ACER2: variants seen among roughly 807,000 people sequenced by gnomAD.
The protein encoded by ACER2 is alkCDase 2.
A neutral mutation model predicts 34.7 loss-of-function variants in ACER2; 26 were observed. That is an observed-to-expected ratio of 0.75 (90% CI 0.55 to 1.04). The LOEUF is 1.04. ACER2 is among the 50% of genes least tolerant of loss of function. ACER2 has a pLI of 0.00. For missense variants in ACER2, 352 were observed against 340.8 expected (o/e 1.03, Z -0.26); for synonymous variants, 138 against 132.1 (o/e 1.04, Z -0.31).
chr9:19,450,198 C>T (rs1831515952), intron 5 of ACER2: 1 of 985,232 alleles, frequency 1.0e-6, no homozygotes, highest in African/African-American at 1.7e-5. Flanking sequence ...CATTTATTTG[C>T]ACATTTGTTC....
chr9:19,415,394 C>G (rs984936960), intron 1 of ACER2, among the ~76,000 whole-genome samples: 2 of 151,938 alleles, frequency 1.3e-5, no homozygotes. Context: ...TGAGGAGAGG[C>G]TGAATCAGGA....
intron 4 of ACER2, among the ~76,000 whole-genome samples, chr9:19,439,238 A>G (rs1336545770): frequency 6.6e-6 from 1 of 151,980 alleles, no homozygotes; most frequent in Admixed American, 6.6e-5. Flanking sequence ...ACTTTCTTCC[A>G]TTAGGGTTGG....
At chr9:19,446,619 G>A (rs1482171173) in intron 5 of ACER2, 2 of 985,340 alleles carry the variant, frequency 2.0e-6, no homozygotes, top group South Asian at 4.7e-5. Flanking sequence ...AGCAGGCTTA[G>A]CCGGAACGAA....
intron 4 of ACER2, among the ~76,000 whole-genome samples, chr9:19,438,207 A>G (rs1589059363): frequency 6.6e-6 from 1 of 152,352 alleles, no homozygotes; most frequent in East Asian, 1.9e-4. Flanking sequence ...AAATTGAATA[A>G]TAATACTTAG....
At chr9:19,438,087 A>G (rs1043594371) in intron 4 of ACER2, among the ~76,000 whole-genome samples, 2 of 152,170 alleles carry the variant, frequency 1.3e-5, no homozygotes, top group African/African-American at 4.8e-5. Context: ...TTAGTGGAGC[A>G]TGGGTTATGG....
intron 1 of ACER2, among the ~76,000 whole-genome samples, chr9:19,418,882 A>G (rs1830319341): frequency 6.6e-6 from 1 of 152,170 alleles, no homozygotes; most frequent in Admixed American, 6.5e-5. Flanking sequence ...TTTGATCATA[A>G]CAATGAATAA....
intron 4 of ACER2, among the ~76,000 whole-genome samples, chr9:19,441,429 G>T (rs1473617164): frequency 6.6e-6 from 1 of 152,118 alleles, no homozygotes; most frequent in Non-Finnish European, 1.5e-5. Context: ...GCCTTCCCCT[G>T]TGAGCTGATC....
intron 1 of ACER2, among the ~76,000 whole-genome samples, chr9:19,419,216 C>T (rs1830329485): frequency 6.6e-6 from 1 of 152,174 alleles, no homozygotes; most frequent in Non-Finnish European, 1.5e-5. Context: ...ACAAAACCTA[C>T]TGCATATACA....
intron 3 of ACER2, among the ~76,000 whole-genome samples, chr9:19,431,879 A>C (rs1035940879): frequency 6.6e-6 from 1 of 152,210 alleles, no homozygotes; most frequent in African/African-American, 2.4e-5. Flanking sequence ...TTATAATGGA[A>C]TTTCATTCAA....
intron 3 of ACER2, 43 bp from the exon 4 acceptor site, chr9:19,434,904 A>G (rs1449360769): frequency 5.6e-6 from 9 of 1,609,718 alleles, no homozygotes; most frequent in Non-Finnish European, 7.6e-6. Context: ...AACAAACAAG[A>G]ACTCCTTTTC....
chr9:19,436,083 C>CA (rs1830960751), intron 4 of ACER2, among the ~76,000 whole-genome samples: 2 of 143,722 alleles, frequency 1.4e-5, no homozygotes, highest in African/African-American at 5.1e-5. Flanking sequence ...GAAAGCCCTT[C>CA]TTTTTTTTTT....
intron 1 of ACER2, among the ~76,000 whole-genome samples, chr9:19,420,143 T>A (rs1369221775): frequency 2.6e-5 from 4 of 152,214 alleles, no homozygotes; most frequent in Admixed American, 1.3e-4. Flanking sequence ...TTGGCCCTGC[T>A]CACTTCAGTT....
intron 1 of ACER2, 50 bp downstream of exon 1, chr9:19,409,242 G>C (rs565095485): frequency 2.6e-6 from 4 of 1,518,388 alleles, no homozygotes; most frequent in East Asian, 4.9e-5. Context: ...GGAGGGGGCT[G>C]TTCCCGCGCC....
At chr9:19,423,787 C>T in intron 1 of ACER2, 75 bp from the exon 2 acceptor site, 1 of 1,091,350 alleles carries the variant, frequency 9.2e-7, no homozygotes, top group South Asian at 1.3e-5. Flanking sequence ...CAAGGACATA[C>T]TTGGAAGAGG....
intron 4 of ACER2, 75 bp downstream of exon 4, chr9:19,435,159 T>G: frequency 3.2e-6 from 5 of 1,540,170 alleles, no homozygotes; most frequent in Non-Finnish European, 4.4e-6. Flanking sequence ...TTCTTTGCTG[T>G]CCTGTAGCAG....
chr9:19,446,000 A>C (rs1831344586), intron 4 of ACER2, among the ~76,000 whole-genome samples: 1 of 152,178 alleles, frequency 6.6e-6, no homozygotes, highest in South Asian at 2.1e-4. Context: ...TGGACTTGTT[A>C]AATTTAGATC....
chr9:19,433,957 C>A (rs1048374801), intron 3 of ACER2, among the ~76,000 whole-genome samples: 4 of 151,732 alleles, frequency 2.6e-5, no homozygotes, highest in Admixed American at 2.6e-4. Flanking sequence ...GGGGCTGACC[C>A]CCCCACCTCC....
intron 1 of ACER2, among the ~76,000 whole-genome samples, chr9:19,423,189 C>A (rs1830459943): frequency 6.6e-6 from 1 of 151,952 alleles, no homozygotes; most frequent in South Asian, 2.1e-4. Context: ...AAAATAAGTG[C>A]AAGTAAATTA....
At chr9:19,420,802 A>T (rs894754982) in intron 1 of ACER2, among the ~76,000 whole-genome samples, 2 of 152,158 alleles carry the variant, frequency 1.3e-5, no homozygotes, top group African/African-American at 4.8e-5. Flanking sequence ...TCCCTGCTTC[A>T]AAGACGGAGT....
Sources: allele counts gnomAD v4.1 joint callset (sites outside exome capture counted in the v4.1 genomes callset), GRCh38; gene constraint gnomAD v4.1.1; transcripts MANE v1.5; gene names NCBI Gene and HGNC (gene_info 2026-07-23, HGNC 2026-07-21).